MPRIP: variants seen among roughly 807,000 people sequenced by gnomAD.
MPRIP encodes the protein myosin phosphatase Rho interacting protein, also known as myosin phosphatase Rho-interacting protein.
A neutral mutation model predicts 234.9 loss-of-function variants in MPRIP; 59 were observed. The ratio of observed to expected loss-of-function variants is 0.25; its 90% CI spans 0.20 to 0.31. MPRIP has a LOEUF of 0.31. Among genes scored for constraint, MPRIP ranks in the 10% least tolerant of loss-of-function variants. MPRIP has a pLI of 1.00. For missense variants in MPRIP, 2,436 were observed against 3,071.0 expected (o/e 0.79, Z 4.89); for synonymous variants, 1,144 against 1,263.9 (o/e 0.91, Z 2.01).
At chr17:17,058,957 CTT>C (rs1301335606) in intron 1 of MPRIP, among the ~76,000 whole-genome samples, 2 of 152,144 alleles carry the variant, frequency 1.3e-5, no homozygotes, top group Non-Finnish European at 2.9e-5. Flanking sequence ...AGTTCTCAAA[CTT>C]TTTGGGTTCC....
At chr17:17,130,799 A>T (rs1310818276) in intron 4 of MPRIP, among the ~76,000 whole-genome samples, 1 of 152,052 alleles carries the variant, frequency 6.6e-6, no homozygotes, top group Non-Finnish European at 1.5e-5. Context: ...CCCCCACAGG[A>T]CTGACAGGCA....
intron 1 of MPRIP, among the ~76,000 whole-genome samples, chr17:17,070,409 G>T (rs907827847): frequency 1.1e-4 from 17 of 152,072 alleles, no homozygotes; most frequent in African/African-American, 4.1e-4. Flanking sequence ...TAGACTTCTT[G>T]TTACAGTTCC....
At chr17:17,096,175 C>T (rs1424644621) in intron 3 of MPRIP, among the ~76,000 whole-genome samples, 3 of 152,142 alleles carry the variant, frequency 2.0e-5, no homozygotes, top group Admixed American at 2.0e-4. Context: ...TTGTACCCAC[C>T]TGTTTCCATG....
At chr17:17,168,226 GCCCCCAATCC>G (rs1597499158) in intron 16 of MPRIP, 1 of 289,586 alleles carries the variant, frequency 3.5e-6, no homozygotes, top group East Asian at 9.7e-5. Context: ...CCTGAGAGCA[GCCCCCAATCC>G]CCTTGCCAGC....
At chr17:17,092,035 G>A (rs941580912) in intron 3 of MPRIP, among the ~76,000 whole-genome samples, 3 of 152,232 alleles carry the variant, frequency 2.0e-5, no homozygotes, top group Non-Finnish European at 4.4e-5. Flanking sequence ...GGAGCCCAGC[G>A]TCAGGCCAGG....
At chr17:17,180,363 C>T (rs1323665217) in intron 23 of MPRIP, among the ~76,000 whole-genome samples, 1 of 152,244 alleles carries the variant, frequency 6.6e-6, no homozygotes, top group Admixed American at 6.5e-5. Context: ...AGGTTTCACC[C>T]AGCCCTGCTC....
rs1597519058 is a variant in MPRIP, at chr17:17,177,503, A to G, written c.7120+91A>G. On this transcript the variant is annotated intron_variant, in intron 22 of 23. Transcript: ENST00000651222. Reference sequence around the variant, plus strand: ...TTTCCCGGTGCTTGACTTGAAGCAGAAGAGTCCCAGTGATGCTTGTAGACC... The same window carrying G: ...TTTCCCGGTGCTTGACTTGAAGCAGGAGAGTCCCAGTGATGCTTGTAGACC... 45 of 1,402,610 alleles carry G rather than the reference A, an allele frequency of 3.2e-5. No homozygotes were observed. The East Asian group carries it at 1.0e-3, about 32-fold the overall frequency. 86.9% of individuals were successfully genotyped at this position (1,402,610 alleles called of 1,614,324 possible).
intron 5 of MPRIP, 88 bp downstream of exon 5, chr17:17,131,789 A>G: frequency 8.1e-7 from 1 of 1,234,056 alleles, no homozygotes; most frequent in Non-Finnish European, 1.2e-6. Flanking sequence ...GAGGGTGAGG[A>G]CACAGTCAGG....
chr17:17,174,797 TA>T (rs529734070), intron 19 of MPRIP, among the ~76,000 whole-genome samples: 16,302 of 131,904 alleles, frequency 0.12, 2,490 homozygotes, highest in African/African-American at 0.37. Flanking sequence ...AGACTCCGTC[TA>T]AAAAAAAAAA....
At chr17:17,128,557 G>A (rs1385228174) in intron 4 of MPRIP, among the ~76,000 whole-genome samples, 1 of 152,130 alleles carries the variant, frequency 6.6e-6, no homozygotes, top group East Asian at 1.9e-4. Flanking sequence ...ATGGACCAAG[G>A]TACCGGGTGC....
At chr17:17,154,239 TTGGAGA>T in intron 12 of MPRIP, 61 bp from the exon 13 acceptor site, 1 of 1,395,538 alleles carries the variant, frequency 7.2e-7, no homozygotes, top group South Asian at 1.2e-5. Context: ...GGGAGCTTCT[TTGGAGA>T]TGGAGGGCAG....
At chr17:17,057,781 G>A (rs2088749919) in intron 1 of MPRIP, 1 of 705,360 alleles carries the variant, frequency 1.4e-6, no homozygotes, top group East Asian at 2.7e-5. Flanking sequence ...ACCCGAGGTG[G>A]CCCCTGAAGC....
At chr17:17,124,256 A>C (rs1360127905) in intron 3 of MPRIP, among the ~76,000 whole-genome samples, 1 of 152,222 alleles carries the variant, frequency 6.6e-6, no homozygotes, top group Non-Finnish European at 1.5e-5. Flanking sequence ...AGTGGGCTTC[A>C]GGGACAGTGA....
At chr17:17,158,285 TC>T in intron 13 of MPRIP, 146 bp from the exon 14 acceptor site, 2 of 508,266 alleles carry the variant, frequency 3.9e-6, no homozygotes, top group Non-Finnish European at 3.4e-6. Context: ...ATTCCTGTCC[TC>T]CCTGCACTTA....
intron 3 of MPRIP, among the ~76,000 whole-genome samples, chr17:17,106,253 G>A (rs1009683053): frequency 1.2e-4 from 19 of 152,330 alleles, no homozygotes; most frequent in Admixed American, 5.2e-4. Context: ...ATGGGTGAAA[G>A]GCAACTGGAT....
At chr17:17,147,609 A>T (rs1440785490) in intron 11 of MPRIP, among the ~76,000 whole-genome samples, 1 of 152,094 alleles carries the variant, frequency 6.6e-6, no homozygotes, top group African/African-American at 2.4e-5. Context: ...TGTCCTTGTG[A>T]TCATTTTCCT....
chr17:17,087,106 G>A (rs2089608440), intron 3 of MPRIP, among the ~76,000 whole-genome samples: 1 of 152,216 alleles, frequency 6.6e-6, no homozygotes, highest in Admixed American at 6.5e-5. Context: ...GGGAATGGAA[G>A]CCAGCAAAGG....
At chr17:17,160,373 T>A (rs1269551745) in intron 14 of MPRIP, among the ~76,000 whole-genome samples, 1 of 151,900 alleles carries the variant, frequency 6.6e-6, no homozygotes, top group African/African-American at 2.4e-5. Flanking sequence ...TCAAAAAAAA[T>A]AAATAAAAGT....
intron 11 of MPRIP, among the ~76,000 whole-genome samples, chr17:17,147,963 C>A (rs960689744): frequency 6.6e-6 from 1 of 152,184 alleles, no homozygotes; most frequent in African/African-American, 2.4e-5. Flanking sequence ...TCTCCTTTGC[C>A]TTTTCCCCAG....
Sources: allele counts gnomAD v4.1 joint callset (sites outside exome capture counted in the v4.1 genomes callset), GRCh38; gene constraint gnomAD v4.1.1; transcripts MANE v1.5; gene names NCBI Gene and HGNC (gene_info 2026-07-23, HGNC 2026-07-21).